CEP95: variants seen among roughly 807,000 people sequenced by gnomAD.
CEP95 encodes the protein centrosomal protein 95, also known as centrosomal protein of 95 kDa.
In CEP95, 98 loss-of-function variants were observed where a neutral mutation model predicts 111.2. That is an observed-to-expected ratio of 0.88 (90% CI 0.75 to 1.04). The LOEUF is 1.04. CEP95 is among the 50% of genes least tolerant of loss of function. CEP95 has a pLI of 0.00. For missense variants in CEP95, 1,027 were observed against 977.2 expected (o/e 1.05, Z -0.68); for synonymous variants, 323 against 327.1 (o/e 0.99, Z 0.14).
intron 14 of CEP95, 166 bp downstream of exon 14, chr17:64,532,188 A>C (rs956727124): frequency 5.1e-5 from 67 of 1,307,682 alleles, no homozygotes; most frequent in Admixed American, 3.7e-5. Context: ...GAGGGCTAAA[A>C]CTCTTCAATA....
Position 64,537,767 on chromosome 17 carries a change from T to C in CEP95, c.2454T>C (p.Ser818=), listed in dbSNP as rs530040785. Residue 818 remains serine, a synonymous_variant, in exon 20 of 20, where the codon AGT becomes AGC. Transcript: ENST00000556440. ...LQLASFQYSK[S]PSL ...TGGCTTCCTTTCAGTACAGTAAAAG[T>C]CCCTCCCTATGAGGCCAGACTTGAT... 1.3e-6 allele frequency: 2 copies of C among 1,595,374 alleles called. No individual in the cohort carries two copies. The highest frequency in any genetic ancestry group is 2.7e-5 in the African/African-American group (2 of 74,698).
At chr17:64,530,380 C>G (rs1372854056) in intron 12 of CEP95, among the ~76,000 whole-genome samples, 1 of 151,672 alleles carries the variant, frequency 6.6e-6, no homozygotes, top group Non-Finnish European at 1.5e-5. Context: ...GCGACTGTCT[C>G]AAAAAACAAA....
chr17:64,532,920 A>G lies in CEP95; in HGVS notation c.1754A>G (p.Lys585Arg), dbSNP rs1555680637. The part of the protein sequence containing the change: ...FLYVSGPTLS[K>R]MWKQQIAQVE... ...TATGTTTCTGGCCCAACACTAAGCA[A>G]AATGTGGAAACAGCAAATTGCACAG... is the stretch of plus-strand genomic sequence containing the variant. The change falls in exon 15 of 20, where the codon AAA becomes AGA. Residue 585 changes from lysine (K) to arginine (R), a missense_variant. Coordinates refer to ENST00000556440, the MANE Select transcript of CEP95 (RefSeq NM_138363.3). 1 of 1,613,962 alleles carries G rather than the reference A, an allele frequency of 6.2e-7. No individual in the cohort carries two copies. The highest frequency in any genetic ancestry group is 1.1e-5 in the South Asian group (1 of 91,084).
At chr17:64,524,190 C>A (rs1555678585) in intron 8 of CEP95, among the ~76,000 whole-genome samples, 1 of 152,114 alleles carries the variant, frequency 6.6e-6, no homozygotes, top group Non-Finnish European at 1.5e-5. Flanking sequence ...GTTTCTTGAC[C>A]TGGGTGGCAG....
At chr17:64,525,037 T>C (rs1967690009) in intron 8 of CEP95, among the ~76,000 whole-genome samples, 1 of 151,484 alleles carries the variant, frequency 6.6e-6, no homozygotes, top group Admixed American at 6.6e-5. Context: ...AAAGATTATC[T>C]CTAAGACCAA....
intron 3 of CEP95, among the ~76,000 whole-genome samples, chr17:64,510,827 A>C (rs1464193323): frequency 2.0e-5 from 3 of 152,242 alleles, no homozygotes; most frequent in Non-Finnish European, 4.4e-5. Context: ...CTGGGATTAC[A>C]GGCCTGGACC....
In CEP95 at chr17:64,522,714, C is replaced by G; in HGVS notation, c.728C>G (p.Ser243Cys). The change falls in exon 8 of 20, where the codon TCT (serine) becomes TGT (cysteine). Residue 243 changes from serine to cysteine, a missense_variant. Physicochemically the swap from Ser to Cys is moderately radical, Grantham distance 112. Coordinates refer to ENST00000556440, the MANE Select transcript of CEP95 (RefSeq NM_138363.3). ...TSFVEDTETL[S>C]VSGIPNARKL... is the part of the protein sequence containing the mutation. ...TTTGTCTTACTAGCGGAAACCCTTTCTGTGAGTGGGATTCCAAATGCTAGG... is the reference window on the plus strand; with the variant it reads ...TTTGTCTTACTAGCGGAAACCCTTTGTGTGAGTGGGATTCCAAATGCTAGG... 1 of 1,612,534 alleles carries G rather than the reference C, an allele frequency of 6.2e-7. No homozygotes were observed. Among genetic ancestry groups the G allele is most frequent in the Non-Finnish European group, 8.5e-7 (1 of 1,179,286 alleles).
Position 64,527,177 on chromosome 17 carries a change from A to C in CEP95, c.1219A>C (p.Asn407His). The C allele has an allele frequency of 6.2e-7, 1 of 1,613,640 alleles. No individual in the cohort carries two copies. Among genetic ancestry groups the C allele is most frequent in the East Asian group, 2.2e-5 (1 of 44,882 alleles). ...TGACCATAAAGAAGAAAATACTGGA[A>C]ATGAGGAGGTAGAGGATGGAACTGA... The part of the protein sequence containing the change: ...KTDHKEENTG[N>H]EEVEDGTEET... Residue 407 changes from asparagine (N) to histidine (H), a missense_variant, in exon 11 of 20, where the codon AAT (asparagine) becomes CAT (histidine). By Grantham distance (68) the Asn-to-His change is moderately conservative. Coordinates refer to ENST00000556440, the MANE Select transcript of CEP95 (RefSeq NM_138363.3).
intron 11 of CEP95, among the ~76,000 whole-genome samples, chr17:64,527,651 ATATAT>A (rs1338061284): frequency 1.3e-5 from 2 of 152,096 alleles, no homozygotes; most frequent in African/African-American, 2.4e-5. Flanking sequence ...TACATACTGT[ATATAT>A]TATTCTGCAA....
chr17:64,519,651 G>A (rs1555677231), intron 6 of CEP95, among the ~76,000 whole-genome samples: 1 of 152,172 alleles, frequency 6.6e-6, no homozygotes, highest in Admixed American at 6.5e-5. Context: ...GTGTATGCAA[G>A]GTTATTAGGT....
chr17:64,507,713 G>A (rs1163023664), intron 1 of CEP95: 6 of 985,844 alleles, frequency 6.1e-6, no homozygotes, highest in Non-Finnish European at 4.8e-6. Context: ...GGCCAGCTGT[G>A]AGAAATGGGC....
In CEP95 at chr17:64,512,251, C is replaced by T. The variant is rs142531727; in HGVS notation, c.256+1971C>T. Among the ~76,000 whole-genome samples the T allele has an allele frequency of 3.7e-3, 562 of 152,272 alleles. 1 individual carries two copies. The highest frequency in any genetic ancestry group is 0.013 in the African/African-American group (539 of 41,550). ...GCAGTTGTTTGCAATCGGAAGAACTCTCTAGAAGCATATACAAGAAACTCG... is the reference window on the plus strand; with the variant it reads ...GCAGTTGTTTGCAATCGGAAGAACTTTCTAGAAGCATATACAAGAAACTCG... On this transcript the variant is annotated intron_variant, in intron 3 of 19. Coordinates refer to ENST00000556440, the MANE Select transcript of CEP95 (RefSeq NM_138363.3).
Position 64,508,062 on chromosome 17 carries a change from A to C in CEP95, c.20-530A>C, listed in dbSNP as rs547411999. The C allele has an allele frequency of 1.8e-4, 177 of 985,432 alleles. 2 individuals carry two copies. The African/African-American group carries it at 3.0e-3, about 17-fold the overall frequency. 61.0% of individuals were successfully genotyped at this position (985,432 alleles called of 1,614,324 possible). A position where few individuals can be genotyped will look rare whatever the true frequency, so the allele number is the denominator to read the frequency against. On this transcript the variant is annotated intron_variant, in intron 1 of 19. Transcript: ENST00000556440. ...AAAACTAACAAATGCATTACCGTTG[A>C]TGTTGTTATTATACCAGTTCTTAAC...
chr17:64,520,180 A>T (rs989496080), intron 6 of CEP95, among the ~76,000 whole-genome samples: 2 of 152,234 alleles, frequency 1.3e-5, no homozygotes, highest in Admixed American at 1.3e-4. Context: ...GTGATTGCAG[A>T]AACGGGTTCT....
chr17:64,525,403 T>G (rs1475451651), intron 8 of CEP95, among the ~76,000 whole-genome samples: 1 of 152,190 alleles, frequency 6.6e-6, no homozygotes, highest in African/African-American at 2.4e-5. Flanking sequence ...ACTGTTTCAA[T>G]TTTGGACAGC....
chr17:64,511,085 G>A (rs2038867154), intron 3 of CEP95, among the ~76,000 whole-genome samples: 1 of 152,130 alleles, frequency 6.6e-6, no homozygotes, highest in Non-Finnish European at 1.5e-5. Flanking sequence ...GTGGGTCACA[G>A]ACATCAAGTA....
intron 9 of CEP95, 46 bp from the exon 10 acceptor site, chr17:64,526,025 A>G (rs782257968): frequency 1.9e-6 from 3 of 1,588,390 alleles, no homozygotes; most frequent in Non-Finnish European, 2.6e-6. Context: ...AAACTAAATA[A>G]TAGACACCTA....
At chr17:64,507,327 G>A in intron 1 of CEP95, 1 of 1,438,882 alleles carries the variant, frequency 6.9e-7, no homozygotes, top group Non-Finnish European at 9.1e-7. Context: ...GTGGGAGAGA[G>A]AGAGGCACTG....
rs368647678 is a variant in CEP95 at position 64,510,243 on chromosome 17, C to G, written c.219C>G (p.Ala73=). 4 of 1,610,766 alleles carry G rather than the reference C, an allele frequency of 2.5e-6. No individual in the cohort carries two copies. Among genetic ancestry groups the G allele is most frequent in the Non-Finnish European group, 3.4e-6 (4 of 1,178,022 alleles). Residue 73 remains alanine (A), a synonymous_variant, in exon 3 of 20, where the codon GCC becomes GCG. Transcript: ENST00000556440. ...TACAAGCAGTAATTGATTCACTGGCCTTGGACTACTTGCAGGTCAGCTTGT... is the reference window on the plus strand; with the variant it reads ...TACAAGCAGTAATTGATTCACTGGCGTTGGACTACTTGCAGGTCAGCTTGT... ...HNVQAVIDSL[A]LDYLQVSLSH...
Sources: allele counts gnomAD v4.1 joint callset (sites outside exome capture counted in the v4.1 genomes callset), GRCh38; gene constraint gnomAD v4.1.1; transcripts MANE v1.5; gene names NCBI Gene and HGNC (gene_info 2026-07-23, HGNC 2026-07-21).